CD28: variants seen among roughly 807,000 people sequenced by gnomAD.
The protein encoded by CD28 is T-cell-specific surface glycoprotein CD28.
In CD28, 8 loss-of-function variants were observed where a neutral mutation model predicts 21.4. That is an observed-to-expected ratio of 0.37 (90% confidence interval 0.22 to 0.68). CD28 has a LOEUF of 0.68. Ranked by LOEUF, CD28 falls within the 30% of genes least tolerant of loss-of-function variation. The pLI is 0.55. For synonymous variants in CD28, 106 were observed against 104.0 expected, an observed-to-expected ratio of 1.02 and a Z score of -0.12; for missense variants, 239 against 272.2, an observed-to-expected ratio of 0.88 and a Z score of 0.86.
chr2:203,734,632 T>A (rs1323569187), intron 3 of CD28, 152 bp from the exon 4 acceptor site: 1 of 830,526 alleles, frequency 1.2e-6, no homozygotes, highest in African/African-American at 1.7e-5. Flanking sequence ...TTGGGTGTGA[T>A]TAGTCATTAC....
At chr2:203,715,919 C>G (rs1438303570) in intron 1 of CD28, among the ~76,000 whole-genome samples, 1 of 152,158 alleles carries the variant, frequency 6.6e-6, no homozygotes, top group African/African-American at 2.4e-5. Flanking sequence ...GAACTCACAT[C>G]AGTGCTATTG....
chr2:203,734,795 G>A lies in CD28; in HGVS notation c.546G>A (p.Lys182=), dbSNP rs1581520709. The A allele has an allele frequency of 6.2e-7, 1 of 1,614,220 alleles. No individual in the cohort carries two copies. The highest frequency in any genetic ancestry group is 1.1e-5 in the South Asian group (1 of 91,086). The part of the protein sequence containing the change: ...VAFIIFWVRS[K]RSRLLHSDYM... ...TCTCTTTCCTGCAGGTGAGGAGTAA[G>A]AGGAGCAGGCTCCTGCACAGTGACT... Residue 182 remains lysine, a synonymous_variant, in exon 4 of 4, where the codon AAG becomes AAA. Transcript: ENST00000324106.
intron 1 of CD28, among the ~76,000 whole-genome samples, chr2:203,708,794 T>C (rs1693230194): frequency 6.6e-6 from 1 of 152,226 alleles, no homozygotes; most frequent in Non-Finnish European, 1.5e-5. Context: ...TCTTTTCCAG[T>C]AAGAAAACTT....
At chr2:203,706,824 C>T in intron 1 of CD28, 76 bp downstream of exon 1, 1 of 1,142,646 alleles carries the variant, frequency 8.8e-7, no homozygotes, top group Non-Finnish European at 1.3e-6. Context: ...TTTTAAATTT[C>T]TAACAATGTG....
chr2:203,717,003 C>T (rs1362009104), intron 1 of CD28, among the ~76,000 whole-genome samples: 1 of 152,008 alleles, frequency 6.6e-6, no homozygotes, highest in Non-Finnish European at 1.5e-5. Flanking sequence ...GGTACCCCCA[C>T]ACCCAGCTAA....
Position 203,727,097 on chromosome 2 carries a change from T to C in CD28, c.409+108T>C. ...GGGGTTGAATAAGGCCTAAGTGATT[T>C]GATACTAACAAAGACAAATAATGTT... is the stretch of plus-strand genomic sequence containing the variant. On this transcript the variant is annotated intron_variant, in intron 2 of 3. Coordinates refer to ENST00000324106, the MANE Select transcript of CD28 (RefSeq NM_006139.4). 5.7e-6 allele frequency: 4 copies of C among 700,458 alleles called. No individual in the cohort carries two copies. In the East Asian group the frequency reaches 1.0e-4, roughly 18 times the overall value. The allele number at this position is 700,458 out of a possible 1,614,324, so 43.4% of individuals were successfully genotyped here. A position where few individuals can be genotyped will look rare whatever the true frequency, so the allele number is the denominator to read the frequency against.
chr2:203,732,757 T>C (rs1240254527), intron 3 of CD28, among the ~76,000 whole-genome samples: 1 of 152,196 alleles, frequency 6.6e-6, no homozygotes, highest in African/African-American at 2.4e-5. Context: ...ACATGGGTGC[T>C]GTAGGTTCTG....
intron 3 of CD28, among the ~76,000 whole-genome samples, chr2:203,733,207 T>C (rs1221914777): frequency 6.6e-6 from 1 of 152,198 alleles, no homozygotes; most frequent in Non-Finnish European, 1.5e-5. Flanking sequence ...AATTCTTCAT[T>C]GCATTGTAGG....
intron 1 of CD28, among the ~76,000 whole-genome samples, chr2:203,715,357 A>G (rs116436826): frequency 1.3e-5 from 2 of 152,098 alleles, no homozygotes; most frequent in Non-Finnish European, 2.9e-5. Context: ...GGCTCTTGGT[A>G]TGGGTTCCAC....
At chr2:203,718,379 G>A (rs1490258140) in intron 1 of CD28, among the ~76,000 whole-genome samples, 2 of 152,196 alleles carry the variant, frequency 1.3e-5, no homozygotes, top group South Asian at 2.1e-4. Context: ...AACTTAACTA[G>A]CTCTGTGGTC....
chr2:203,729,567 T>G lies in CD28; in HGVS notation c.410-81T>G, dbSNP rs781585618. ...TTTAATATTTTTATTTCTTTCACAT[T>G]TTTCTCTGATGTTCACAAGGAAGGA... On this transcript the variant is annotated intron_variant, in intron 2 of 3. Transcript: ENST00000324106. The G allele has an allele frequency of 1.4e-4, 199 of 1,387,734 alleles. 1 individual carries two copies. The highest frequency in any genetic ancestry group is 2.0e-4 in the Non-Finnish European group (197 of 996,036). The allele number at this position is 1,387,734 out of a possible 1,614,324, so 86.0% of individuals were successfully genotyped here. A position where few individuals can be genotyped will look rare whatever the true frequency, so the allele number is the denominator to read the frequency against.
chr2:203,735,671 C>G lies in CD28; in HGVS notation c.*759C>G, dbSNP rs1481456970. The G allele has an allele frequency of 6.6e-6, 1 of 152,328 alleles. No individual in the cohort carries two copies. Among genetic ancestry groups the G allele is most frequent in the Non-Finnish European group, 1.5e-5 (1 of 68,038 alleles). 9.4% of individuals were successfully genotyped at this position (152,328 alleles called of 1,614,324 possible). ...TCGAAAGAATAAAATAGTTCTCCTA[C>G]ATGAAGAAAGAATATGTCAGGAAAT... On this transcript the variant is annotated 3_prime_UTR_variant, in exon 4 of 4. Transcript: ENST00000324106.
chr2:203,737,203 CT>C lies in CD28; in HGVS notation c.*2294del, dbSNP rs1694060837. 1.3e-5 allele frequency: 2 copies of C among 151,936 alleles called. No homozygotes were observed. Among genetic ancestry groups the C allele is most frequent in the African/African-American group, 4.8e-5 (2 of 41,374 alleles). 9.4% of individuals were successfully genotyped at this position (151,936 alleles called of 1,614,324 possible). On this transcript the variant is annotated 3_prime_UTR_variant, in exon 4 of 4. Transcript: ENST00000324106. ...GAGATTCCAGATCGAAAATACTGTA[CT>C]TTGGTTGATTTTTAAGTGGGCTTCC...
chr2:203,715,467 T>C (rs1693439587), intron 1 of CD28, among the ~76,000 whole-genome samples: 1 of 152,086 alleles, frequency 6.6e-6, no homozygotes, highest in Non-Finnish European at 1.5e-5. Context: ...CTGTGAACGG[T>C]AGGGATTGGG....
At chr2:203,726,562 A>G (rs1437895111) in intron 1 of CD28, 71 bp from the exon 2 acceptor site, 5 of 1,053,458 alleles carry the variant, frequency 4.7e-6, no homozygotes, top group Non-Finnish European at 5.6e-6. Flanking sequence ...GTTAATTAAT[A>G]TATTTTGCTC....
At chr2:203,721,522 C>G (rs1427699229) in intron 1 of CD28, among the ~76,000 whole-genome samples, 1 of 152,036 alleles carries the variant, frequency 6.6e-6, no homozygotes, top group Non-Finnish European at 1.5e-5. Context: ...TCCCCACAGT[C>G]CCCTAACTCA....
chr2:203,710,410 T>A (rs1459068488), intron 1 of CD28, among the ~76,000 whole-genome samples: 2 of 152,206 alleles, frequency 1.3e-5, no homozygotes, highest in Non-Finnish European at 2.9e-5. Context: ...GAATGAGTCA[T>A]TGCCACAGAT....
rs1693996238 is a variant in CD28 at position 203,735,042 on chromosome 2, T to C, written c.*130T>C. The C allele has an allele frequency of 9.5e-7, 1 of 1,054,430 alleles. No homozygotes were observed. Among genetic ancestry groups the C allele is most frequent in the East Asian group, 2.4e-5 (1 of 40,898 alleles). 65.3% of individuals were successfully genotyped at this position (1,054,430 alleles called of 1,614,324 possible). A position where few individuals can be genotyped will look rare whatever the true frequency, so the allele number is the denominator to read the frequency against. On this transcript the variant is annotated 3_prime_UTR_variant, in exon 4 of 4. Coordinates refer to ENST00000324106, the MANE Select transcript of CD28 (RefSeq NM_006139.4). ...CCTGTTGGGCCACCAATGCCAATTT[T>C]TCTCGAGTGACTAGACCAAATATCA...
At chr2:203,722,742 A>G (rs1014035367) in intron 1 of CD28, among the ~76,000 whole-genome samples, 2 of 152,242 alleles carry the variant, frequency 1.3e-5, no homozygotes, top group African/African-American at 4.8e-5. Flanking sequence ...CGATACAGAT[A>G]GTAATCATTT....
Sources: gnomAD v4.1 joint callset for allele counts (sites outside exome capture counted in the v4.1 genomes callset) on GRCh38, gnomAD v4.1.1 for gene constraint, MANE v1.5 for transcripts, NCBI Gene and HGNC (gene_info 2026-07-23, HGNC 2026-07-21) for gene names.